The following ZSCAN18 variants were observed in gnomAD, a reference collection of about 807,000 sequenced individuals.
ZSCAN18 encodes zinc finger and SCAN domain-containing protein 18.
ZSCAN18 carries 16 observed loss-of-function variants against 31.1 expected under a neutral mutation model. That is an observed-to-expected ratio of 0.51 (90% CI 0.35 to 0.78). The LOEUF is 0.78. ZSCAN18 is among the 30% of genes least tolerant of loss of function. ZSCAN18 has a pLI of 0.01. For synonymous variants in ZSCAN18, 375 were observed against 320.7 expected (o/e 1.17, Z -1.81); for missense variants, 731 against 697.4 (o/e 1.05, Z -0.54).
chr19:58,104,745 T>TAA (rs1200729475), intron 1 of ZSCAN18, among the ~76,000 whole-genome samples: 1 of 82,804 alleles, frequency 1.2e-5, no homozygotes, highest in Non-Finnish European at 2.6e-5. Context: ...TAAAATAAAA[T>TAA]AAAAAAGTCT....
intron 6 of ZSCAN18, 193 bp downstream of exon 6, chr19:58,085,981 G>T (rs911529373): frequency 7.1e-5 from 42 of 591,276 alleles, no homozygotes; most frequent in Non-Finnish European, 1.5e-5. Context: ...AAGTCTTGGG[G>T]TGGTCTGTCA....
At chr19:58,087,544 A>G in intron 3 of ZSCAN18, 140 bp from the exon 4 acceptor site, 3 of 701,912 alleles carry the variant, frequency 4.3e-6, no homozygotes, top group Non-Finnish European at 4.7e-6. Flanking sequence ...AACGGACACT[A>G]CACCTTTCCC....
At chr19:58,099,962 A>ATTTTTTT (rs748690700), upstream of ZSCAN18, among the ~76,000 whole-genome samples, 2 of 59,458 alleles carry the variant, frequency 3.4e-5, no homozygotes, top group East Asian at 3.7e-4. Flanking sequence ...TTTGAAAGCT[A>ATTTTTTT]TGTTTTTTTT....
At chr19:58,095,471 G>A (rs1037668983) in intron 1 of ZSCAN18, among the ~76,000 whole-genome samples, 1 of 152,112 alleles carries the variant, frequency 6.6e-6, no homozygotes, top group Admixed American at 6.5e-5. Context: ...CCCCGTCCAG[G>A]CCCATAAGCC....
chr19:58,086,778 G>T (rs536366698), intron 5 of ZSCAN18, 128 bp downstream of exon 5: 12 of 659,652 alleles, frequency 1.8e-5, no homozygotes, highest in South Asian at 3.9e-5. Flanking sequence ...GCTCCAACAC[G>T]TGCAAGTTCA....
chr19:58,091,894 T>A (rs915932912), intron 1 of ZSCAN18, among the ~76,000 whole-genome samples: 8 of 152,186 alleles, frequency 5.3e-5, no homozygotes, highest in Non-Finnish European at 1.2e-4. Flanking sequence ...CCCAGTTTTA[T>A]AGGGAAAACC....
At chr19:58,101,268 G>A (rs922021543), upstream of ZSCAN18, among the ~76,000 whole-genome samples, 4 of 150,830 alleles carry the variant, frequency 2.7e-5, no homozygotes, top group Non-Finnish European at 5.9e-5. Context: ...GAATAGCTGG[G>A]ACTACAGGCG....
At position 58,084,540 on chromosome 19, in the gene ZSCAN18, C is replaced by T; in HGVS notation, c.*145G>A. On this transcript the variant is annotated 3_prime_UTR_variant, in exon 7 of 7. Coordinates refer to ENST00000601144, the MANE Select transcript of ZSCAN18 (RefSeq NM_001145543.2). The surrounding 1 kb of genome is among the most constrained non-coding windows in gnomAD (Gnocchi z 4.5). ...GACCCTTCTCGTTGGGAGCGCTTAG[C>T]CTCAGGAGCGGATTCAGGGCACAGG... The T allele has an allele frequency of 3.8e-6, 3 of 798,168 alleles. No individual in the cohort carries two copies. Among genetic ancestry groups the T allele is most frequent in the Non-Finnish European group, 3.6e-6 (2 of 548,138 alleles). The allele number at this position is 798,168 out of a possible 1,614,324, so 49.4% of individuals were successfully genotyped here.
At chr19:58,116,441 G>A (rs4801559) in intron 1 of ZSCAN18, among the ~76,000 whole-genome samples, 111,315 of 151,362 alleles carry the variant, frequency 0.74, 42,178 homozygotes, top group Non-Finnish European at 0.84. Flanking sequence ...CACAGAGTAG[G>A]CATTCTGGTA....
chr19:58,117,211 T>C (rs1568647884), intron 1 of ZSCAN18, among the ~76,000 whole-genome samples: 2 of 152,158 alleles, frequency 1.3e-5, no homozygotes, highest in Admixed American at 6.5e-5. Context: ...ACAAAGAGGA[T>C]TGTGGGTGGA....
intron 1 of ZSCAN18, among the ~76,000 whole-genome samples, chr19:58,105,457 C>T (rs541270129): frequency 1.6e-4 from 25 of 151,876 alleles, no homozygotes. Context: ...GTCAGGAGAT[C>T]GAGACCATCC....
chr19:58,090,045 G>A lies in ZSCAN18; in HGVS notation c.223C>T (p.Arg75Cys), dbSNP rs143518422. ...CGCGCCTCAGGCATCAGCCACTGGC[G>A]GCACAGCTCATGCAGCCGGGCCAGG... ...QTLARLHELC[R>C]QWLMPEARSK... Residue 75 changes from arginine (R) to cysteine (C), a missense_variant, in exon 2 of 7, where the codon CGC becomes TGC. By Grantham distance (180) the Arg-to-Cys change is radical. This residue lies in a region of ZSCAN18 where 86 missense variants were observed against 119.1 expected (regional missense o/e 0.72). Transcript: ENST00000601144. The surrounding 1 kb of genome is among the most constrained non-coding windows in gnomAD (Gnocchi z 4.7). The A allele has an allele frequency of 8.1e-6, 13 of 1,613,962 alleles. No homozygotes were observed. The highest frequency in any genetic ancestry group is 2.2e-5 in the East Asian group (1 of 44,874).
chr19:58,105,014 T>C (rs1038441707), intron 1 of ZSCAN18, among the ~76,000 whole-genome samples: 1 of 152,230 alleles, frequency 6.6e-6, no homozygotes, highest in African/African-American at 2.4e-5. Flanking sequence ...GGCCGACTCT[T>C]GTTAAGGGCT....
At chr19:58,087,576 G>A (rs2074309036) in intron 3 of ZSCAN18, 172 bp from the exon 4 acceptor site, 2 of 605,896 alleles carry the variant, frequency 3.3e-6, no homozygotes, top group Middle Eastern at 4.5e-4. Flanking sequence ...GCAGCGCGGT[G>A]GCCACAGGGC....
At chr19:58,108,254 TAC>T in intron 1 of ZSCAN18, 1 of 985,510 alleles carries the variant, frequency 1.0e-6, no homozygotes, top group Non-Finnish European at 1.2e-6. Flanking sequence ...ACCCAGTACA[TAC>T]ATAGGGCTCC....
At chr19:58,088,665 T>A (rs1425915019) in intron 3 of ZSCAN18, 23 bp downstream of exon 3, 2 of 1,602,348 alleles carry the variant, frequency 1.2e-6, no homozygotes, top group Admixed American at 3.3e-5. Context: ...CAGCAGAGGC[T>A]GCCAGGCTAG....
intron 1 of ZSCAN18, chr19:58,097,934 C>A: frequency 2.0e-6 from 2 of 985,134 alleles, no homozygotes; most frequent in Non-Finnish European, 2.4e-6. Context: ...CCCTACCTGC[C>A]TGCAGGGCCC....
chr19:58,098,520 G>A (rs953051788), upstream of ZSCAN18, among the ~76,000 whole-genome samples: 13 of 152,198 alleles, frequency 8.5e-5, no homozygotes, highest in African/African-American at 2.7e-4. Context: ...ACAAAAAGAC[G>A]CGCAGACCGG....
At chr19:58,088,035 C>G (rs2074319605) in intron 3 of ZSCAN18, 1 of 153,382 alleles carries the variant, frequency 6.5e-6, no homozygotes. Context: ...CACAAAACTT[C>G]TGGAAAACCA....
Sources: allele counts gnomAD v4.1 joint callset (sites outside exome capture counted in the v4.1 genomes callset), GRCh38; gene constraint gnomAD v4.1.1; regional missense constraint gnomAD v4.1.1; non-coding constraint Gnocchi (gnomAD v3.1); transcripts MANE v1.5; gene names NCBI Gene and HGNC (gene_info 2026-07-23, HGNC 2026-07-21).